The following AACS variants were observed in gnomAD, a reference collection of about 807,000 sequenced individuals.
AACS encodes the protein acetoacetyl-CoA synthetase, also known as acetoacetate-CoA ligase.
In AACS, 69 loss-of-function variants were observed where a neutral mutation model predicts 83.1. That is an observed-to-expected ratio of 0.83 (90% CI 0.68 to 1.01). The LOEUF (loss-of-function observed/expected upper bound fraction) is 1.01. Among genes scored for constraint, AACS ranks in the 50% least tolerant of loss-of-function variants. The pLI, the probability that AACS is intolerant of heterozygous loss-of-function variation, is 0.00. For synonymous variants in AACS, 333 were observed against 343.4 expected (o/e 0.97, Z 0.33); for missense variants, 866 against 882.2 (o/e 0.98, Z 0.23).
chr12:125,076,614 A>G lies in AACS; in HGVS notation c.358+3A>G, dbSNP rs759523888. ...CAGAGTTGCCCTTTACATTGCAAGT[A>G]AGTCCTGATGGCGAGACCTGGGATT... On this transcript the variant is annotated splice_donor_region_variant and intron_variant, in intron 3 of 17. Coordinates refer to ENST00000316519, the MANE Select transcript of AACS (RefSeq NM_023928.5). 7.4e-6 allele frequency: 12 copies of G among 1,613,838 alleles called. No individual in the cohort carries two copies. Among genetic ancestry groups the G allele is most frequent in the Non-Finnish European group, 8.5e-6 (10 of 1,179,924 alleles).
intron 1 of AACS, among the ~76,000 whole-genome samples, chr12:125,072,845 G>A (rs542082771): frequency 6.6e-6 from 1 of 152,152 alleles, no homozygotes; most frequent in African/African-American, 2.4e-5. Flanking sequence ...AATCTGCAAG[G>A]GGGAACTCCC....
intron 13 of AACS, chr12:125,128,678 G>A (rs1957283868): frequency 6.1e-6 from 1 of 163,088 alleles, no homozygotes; most frequent in Admixed American, 6.2e-5. Flanking sequence ...TAGGAGGGGT[G>A]AGCAGGGCTC....
At chr12:125,137,425 G>A (rs59918294) in intron 17 of AACS, among the ~76,000 whole-genome samples, 6,318 of 152,180 alleles carry the variant, frequency 0.042, 274 homozygotes, top group African/African-American at 0.1. Context: ...CAAGTGATCC[G>A]CCCACCTCAG....
In AACS at chr12:125,113,046, G is replaced by A. The variant is rs1956986410; in HGVS notation, c.916-1431G>A. Among the ~76,000 whole-genome samples the A allele has an allele frequency of 6.6e-6, 1 of 152,216 alleles. No homozygotes were observed. On this transcript the variant is annotated intron_variant, in intron 8 of 17. Coordinates refer to ENST00000316519, the MANE Select transcript of AACS (RefSeq NM_023928.5). This position sits in a 1 kb window ranked among gnomAD's most constrained non-coding sequence, Gnocchi z 4.8. ...AGCCAAACCATATCAGGCAGCGTCT[G>A]CCTGTCTGCCTGGCAGTCTCTGGAA... is the stretch of plus-strand genomic sequence containing the variant.
chr12:125,128,013 A>G lies in AACS; in HGVS notation c.1310-148A>G, dbSNP rs1378581215. 3.8e-5 allele frequency: 20 copies of G among 523,220 alleles called. No individual in the cohort carries two copies. In the Middle Eastern group the frequency reaches 8.3e-4, roughly 22 times the overall value. The allele number at this position is 523,220 out of a possible 1,614,324, so 32.4% of individuals were successfully genotyped here. On this transcript the variant is annotated intron_variant, in intron 12 of 17. Transcript: ENST00000316519. Reference sequence around the variant, plus strand: ...TCACCTCTCCCACTGCTCCCTGAAGAGAAGCCCCACCTGTCTGGGATGTTG... The same window carrying G: ...TCACCTCTCCCACTGCTCCCTGAAGGGAAGCCCCACCTGTCTGGGATGTTG...
intron 5 of AACS, among the ~76,000 whole-genome samples, chr12:125,093,508 G>A (rs115416833): frequency 0.012 from 1,902 of 152,350 alleles, 42 homozygotes; most frequent in African/African-American, 0.044. Context: ...GCATGGCTCT[G>A]TAGCAAACAT....
chr12:125,086,525 A>C, intron 4 of AACS, 82 bp downstream of exon 4: 1 of 1,260,682 alleles, frequency 7.9e-7, no homozygotes, highest in East Asian at 2.3e-5. Context: ...ACGGCTTTCA[A>C]ATAAGGGGGA....
At chr12:125,099,213 ATC>A (rs373163304) in intron 5 of AACS, among the ~76,000 whole-genome samples, 51 of 152,050 alleles carry the variant, frequency 3.4e-4, no homozygotes, top group African/African-American at 1.2e-3. Context: ...TTGGTCTGTA[ATC>A]TCTCTCTCTT....
rs1486915135 is a variant in AACS at position 125,134,796 on chromosome 12, A to G, written c.1622A>G (p.Asp541Gly). 6.2e-7 allele frequency: 1 copy of G among 1,614,032 alleles called. No individual in the cohort carries two copies. The highest frequency in any genetic ancestry group is 1.7e-5 in the Admixed American group (1 of 60,004). ...CCTGACCTCTTCTCTCTTTCCAGTG[A>G]CGGCACCCTCAACCCCAACGGGGTG... The part of the protein sequence containing the change: ...TGGIVMLGRS[D>G]GTLNPNGVRF... The change falls in exon 16 of 18, where the codon GAC (aspartate) becomes GGC (glycine). Residue 541 changes from aspartate (D) to glycine (G), a missense_variant and splice_region_variant. Asp to Gly is a moderately conservative substitution (Grantham distance 94, BLOSUM62 -1). Coordinates refer to ENST00000316519, the MANE Select transcript of AACS (RefSeq NM_023928.5).
intron 8 of AACS, among the ~76,000 whole-genome samples, chr12:125,111,965 C>T (rs967039422): frequency 5.9e-5 from 9 of 152,174 alleles, no homozygotes; most frequent in Non-Finnish European, 1.2e-4. Flanking sequence ...AACCACTGAA[C>T]GAAGGTGGGC....
At chr12:125,128,939 C>T (rs1345900766) in intron 13 of AACS, 1 of 159,342 alleles carries the variant, frequency 6.3e-6, no homozygotes, top group East Asian at 1.9e-4. Flanking sequence ...CAGAGTGAGA[C>T]CTAGTAGCCC....
intron 4 of AACS, among the ~76,000 whole-genome samples, chr12:125,087,457 G>T (rs949043926): frequency 6.6e-6 from 1 of 152,248 alleles, no homozygotes; most frequent in Non-Finnish European, 1.5e-5. Context: ...TTGAGATGCA[G>T]GTAGGTGTGT....
chr12:125,099,178 T>C (rs1956670890), intron 5 of AACS, among the ~76,000 whole-genome samples: 1 of 152,252 alleles, frequency 6.6e-6, no homozygotes, highest in Non-Finnish European at 1.5e-5. Context: ...CCCCCTCTGT[T>C]AGCCTGTTGC....
intron 1 of AACS, among the ~76,000 whole-genome samples, chr12:125,067,012 A>G (rs7294703): frequency 0.4 from 60,784 of 151,656 alleles, 13,047 homozygotes; most frequent in Non-Finnish European, 0.49. Context: ...TTTTCCATCC[A>G]TTTGCATCCT....
chr12:125,069,326 A>G (rs1463073636), intron 1 of AACS, among the ~76,000 whole-genome samples: 1 of 152,208 alleles, frequency 6.6e-6, no homozygotes, highest in Non-Finnish European at 1.5e-5. Flanking sequence ...GGAGGAAGGC[A>G]GGGGCATTCC....
Position 125,103,787 on chromosome 12 carries a change from G to A in AACS, c.767+706G>A, listed in dbSNP as rs1306819567. The stretch of plus-strand genomic sequence containing the variant: ...GCGGATCACGAGGTCAGGAGATCGA[G>A]ACCATCCTGGCTAACACGGTGAAAC... On this transcript the variant is annotated intron_variant, in intron 7 of 17. Transcript: ENST00000316519. Among the ~76,000 whole-genome samples, 3 of 151,968 alleles carry A rather than the reference G, an allele frequency of 2.0e-5. No individual in the cohort carries two copies. The East Asian group carries it at 5.8e-4, about 29-fold the overall frequency.
At chr12:125,108,282 T>G (rs1223945309) in intron 8 of AACS, among the ~76,000 whole-genome samples, 1 of 152,234 alleles carries the variant, frequency 6.6e-6, no homozygotes, top group East Asian at 1.9e-4. Flanking sequence ...CAGTTGCTCT[T>G]GTCTGAGGCC....
Position 125,078,820 on chromosome 12 carries a change from C to CAAA in AACS, c.358+2232_358+2234dup, listed in dbSNP as rs71092270. 3.3e-3 allele frequency among the ~76,000 whole-genome samples: 170 copies of CAAA among 52,022 alleles called. 1 individual carries two copies. The highest frequency in any genetic ancestry group is 5.7e-3 in the East Asian group (10 of 1,754). The allele number at this position is 52,022 out of a possible 152,430, so 34.1% of individuals were successfully genotyped here. ...TGGGCGACAGAGCAAGACTCCGTCTCAAAAAAAAAAAAAAAAAAAAAAAAA... is the reference window on the plus strand; with the variant it reads ...TGGGCGACAGAGCAAGACTCCGTCTCAAAAAAAAAAAAAAAAAAAAAAAAAAAA... On this transcript the variant is annotated intron_variant, in intron 3 of 17. Coordinates refer to ENST00000316519, the MANE Select transcript of AACS (RefSeq NM_023928.5).
intron 2 of AACS, among the ~76,000 whole-genome samples, chr12:125,074,738 A>G (rs532911972): frequency 1.5e-5 from 2 of 131,562 alleles, no homozygotes; most frequent in South Asian, 2.3e-4. Flanking sequence ...ATCTTAGTAT[A>G]CTGCAACCTC....
Sources: gnomAD v4.1 joint callset for allele counts (sites outside exome capture counted in the v4.1 genomes callset) on GRCh38, gnomAD v4.1.1 for gene constraint, Gnocchi (gnomAD v3.1) non-coding constraint, MANE v1.5 for transcripts, NCBI Gene and HGNC (gene_info 2026-07-23, HGNC 2026-07-21) for gene names.